ROR2: variants seen among roughly 807,000 people sequenced by gnomAD.
ROR2 encodes ROR family WNT receptor 2, also known as tyrosine-protein kinase transmembrane receptor ROR2.
A neutral mutation model predicts 74.9 loss-of-function variants in ROR2; 33 were observed. The ratio of observed to expected loss-of-function variants is 0.44; its 90% CI spans 0.33 to 0.59. The LOEUF (loss-of-function observed/expected upper bound fraction) is 0.59. Among genes scored for constraint, ROR2 ranks in the 20% least tolerant of loss-of-function variants. The pLI, the probability that ROR2 is intolerant of heterozygous loss-of-function variation, is 0.02. For synonymous variants in ROR2, 586 were observed against 558.7 expected (o/e 1.05, Z -0.69); for missense variants, 1,216 against 1,313.8 (o/e 0.93, Z 1.15).
chr9:91,827,346 G>A (rs1417681200), intron 1 of ROR2, among the ~76,000 whole-genome samples: 1 of 151,908 alleles, frequency 6.6e-6, no homozygotes, highest in Non-Finnish European at 1.5e-5. Context: ...AAAAGGCGGA[G>A]GTTGCAGTGA....
chr9:91,752,367 C>T (rs973254135), intron 4 of ROR2, among the ~76,000 whole-genome samples: 1 of 152,194 alleles, frequency 6.6e-6, no homozygotes, highest in East Asian at 1.9e-4. Context: ...TAAATCAACG[C>T]GTATGTTCAT....
intron 1 of ROR2, among the ~76,000 whole-genome samples, chr9:91,786,062 C>T (rs568740405): frequency 1.3e-5 from 2 of 149,692 alleles, no homozygotes; most frequent in South Asian, 2.1e-4. Flanking sequence ...AGCTGGCACC[C>T]GTGGCTCATG....
intron 1 of ROR2, among the ~76,000 whole-genome samples, chr9:91,871,151 A>G (rs1829783112): frequency 6.6e-6 from 1 of 152,234 alleles, no homozygotes; most frequent in African/African-American, 2.4e-5. Flanking sequence ...CCTGTTCCTC[A>G]AAACTCTAAC....
chr9:91,886,085 G>A (rs1564020238), intron 1 of ROR2, among the ~76,000 whole-genome samples: 1 of 151,962 alleles, frequency 6.6e-6, no homozygotes, highest in Non-Finnish European at 1.5e-5. Flanking sequence ...ATGTTGGTCA[G>A]GCTCGTCTCG....
At position 91,726,725 on chromosome 9, in the gene ROR2, T is replaced by A; in HGVS notation, c.1202A>T (p.Lys401Met). 1 of 1,614,104 alleles carries A rather than the reference T, an allele frequency of 6.2e-7. No homozygotes were observed. Among genetic ancestry groups the A allele is most frequent in the Middle Eastern group, 1.7e-4 (1 of 6,060 alleles). The change falls in exon 8 of 9, where the codon AAG becomes ATG. Residue 401 changes from lysine (K) to methionine (M), a missense_variant. By Grantham distance (95) the Lys-to-Met change is moderately conservative. Transcript: ENST00000375708. ...GACCAAGATGTACAGAATCCCCATC[T>A]TGCTGCTGTCTCGGGGACCTGTGAA... ...VPSCSPRDSS[K>M]MGILYILVPS...
intron 1 of ROR2, among the ~76,000 whole-genome samples, chr9:91,785,080 T>A (rs1202939540): frequency 2.6e-5 from 4 of 152,142 alleles, no homozygotes; most frequent in Non-Finnish European, 5.9e-5. Flanking sequence ...CACATGGACA[T>A]GGGTACACAC....
In ROR2 at chr9:91,723,632, C is replaced by T; in HGVS notation, c.*30G>A. 3 of 1,610,428 alleles carry T rather than the reference C, an allele frequency of 1.9e-6. No homozygotes were observed. Among genetic ancestry groups the T allele is most frequent in the Non-Finnish European group, 2.5e-6 (3 of 1,178,862 alleles). On this transcript the variant is annotated 3_prime_UTR_variant, in exon 9 of 9. Coordinates refer to ENST00000375708, the MANE Select transcript of ROR2 (RefSeq NM_004560.4). ...TCCCTGTGGGGTCTCGGCGGGGCTTCTATCCCCGAACCCCGGGCCCTGGTG... is the reference window on the plus strand; with the variant it reads ...TCCCTGTGGGGTCTCGGCGGGGCTTTTATCCCCGAACCCCGGGCCCTGGTG...
chr9:91,880,757 C>G (rs1830086011), intron 1 of ROR2, among the ~76,000 whole-genome samples: 1 of 152,214 alleles, frequency 6.6e-6, no homozygotes, highest in East Asian at 1.9e-4. Context: ...ACAAAATAAC[C>G]TGCCTGCACT....
At chr9:91,928,786 A>G (rs1831474416) in intron 1 of ROR2, among the ~76,000 whole-genome samples, 1 of 152,194 alleles carries the variant, frequency 6.6e-6, no homozygotes, top group African/African-American at 2.4e-5. Context: ...GAACCCCATG[A>G]TAGTAAGTGG....
chr9:91,825,718 A>T (rs1828265877), intron 1 of ROR2, among the ~76,000 whole-genome samples: 1 of 152,104 alleles, frequency 6.6e-6, no homozygotes, highest in African/African-American at 2.4e-5. Context: ...TATGCCTAGA[A>T]GGTGAGTGAA....
intron 2 of ROR2, among the ~76,000 whole-genome samples, chr9:91,769,759 G>A (rs529334168): frequency 2.0e-5 from 3 of 152,188 alleles, no homozygotes; most frequent in Admixed American, 6.5e-5. Flanking sequence ...TCCCGGCCCC[G>A]CCTCCCTCCA....
chr9:91,732,320 C>A (rs1048624701), intron 6 of ROR2, among the ~76,000 whole-genome samples: 4 of 152,186 alleles, frequency 2.6e-5, no homozygotes, highest in Admixed American at 2.6e-4. Flanking sequence ...CCATGGCCAC[C>A]CTGCTGGGGC....
At chr9:91,753,630 C>A (rs562277695) in intron 4 of ROR2, among the ~76,000 whole-genome samples, 1 of 152,092 alleles carries the variant, frequency 6.6e-6, no homozygotes, top group African/African-American at 2.4e-5. Flanking sequence ...CGCGGTGGCA[C>A]GAGTGGCTGG....
rs552544370 is a variant in ROR2 at position 91,895,331 on chromosome 9, A to G, written c.97+54536T>C. ...TGTATGATACTATCATGGTAGACAC[A>G]TATCATTTTACATTTGTTCAAACCC... On this transcript the variant is annotated intron_variant, in intron 1 of 8. Transcript: ENST00000375708. Among the ~76,000 whole-genome samples the G allele has an allele frequency of 4.6e-5, 7 of 152,330 alleles. No homozygotes were observed. The South Asian group carries it at 1.2e-3, about 27-fold the overall frequency.
At chr9:91,849,032 G>A (rs560832116) in intron 1 of ROR2, among the ~76,000 whole-genome samples, 3 of 152,052 alleles carry the variant, frequency 2.0e-5, no homozygotes, top group Non-Finnish European at 4.4e-5. Context: ...GTTCCACAGC[G>A]ACCACCCTCC....
At chr9:91,912,034 CAA>C (rs1831004229) in intron 1 of ROR2, among the ~76,000 whole-genome samples, 1 of 150,338 alleles carries the variant, frequency 6.7e-6, no homozygotes, top group African/African-American at 2.5e-5. Flanking sequence ...GAAAACAAGG[CAA>C]TACTGAGGAA....
At chr9:91,809,035 T>C (rs1418813011) in intron 1 of ROR2, among the ~76,000 whole-genome samples, 1 of 152,032 alleles carries the variant, frequency 6.6e-6, no homozygotes, top group Non-Finnish European at 1.5e-5. Context: ...TTAAACTGTT[T>C]TGGGCTGTCA....
chr9:91,727,085 G>A (rs1485063421), intron 7 of ROR2, among the ~76,000 whole-genome samples: 1 of 152,166 alleles, frequency 6.6e-6, no homozygotes, highest in Non-Finnish European at 1.5e-5. Context: ...TAGGTGCTCT[G>A]CCCAATTTCA....
rs373037095 is a variant in ROR2 at position 91,723,845 on chromosome 9, C to T, written c.2649G>A (p.Met883Ile). Residue 883 changes from methionine (M) to isoleucine (I), a missense_variant, in exon 9 of 9, where the codon ATG becomes ATA. Met to Ile is a conservative substitution (Grantham distance 10). Transcript: ENST00000375708. Reference protein sequence around the residue: ...YVTTAPSNTSMADRAALLSEG... With the variant: ...YVTTAPSNTSIADRAALLSEG... Reference sequence around the variant, plus strand: ...CTGAGAGCAGGGCTGCCCTGTCTGCCATGGATGTGTTGGAGGGGGCCGTGG... The same window carrying T: ...CTGAGAGCAGGGCTGCCCTGTCTGCTATGGATGTGTTGGAGGGGGCCGTGG... 64 of 1,614,034 alleles carry T rather than the reference C, an allele frequency of 4.0e-5. No homozygotes were observed. The highest frequency in any genetic ancestry group is 1.7e-4 in the Middle Eastern group (1 of 6,060).
Sources: allele counts gnomAD v4.1 joint callset (sites outside exome capture counted in the v4.1 genomes callset), GRCh38; gene constraint gnomAD v4.1.1; transcripts MANE v1.5; gene names NCBI Gene and HGNC (gene_info 2026-07-23, HGNC 2026-07-21).